ABCB4: variants seen among roughly 807,000 people sequenced by gnomAD.
ABCB4 encodes phosphatidylcholine translocator ABCB4.
Under a neutral mutation model 145.7 loss-of-function variants are expected in ABCB4, and 76 were observed. That is an observed-to-expected ratio of 0.52 (90% CI 0.43 to 0.63). The LOEUF (loss-of-function observed/expected upper bound fraction) is 0.63, where lower values mean the gene tolerates loss of function less well. ABCB4 is among the 30% of genes least tolerant of loss of function. ABCB4 has a pLI of 0.00. For synonymous variants in ABCB4, 517 were observed against 566.8 expected (o/e 0.91, Z 1.25); for missense variants, 1,234 against 1,553.1 (o/e 0.79, Z 3.45).
rs1811871861 is a variant in ABCB4, at chr7:87,453,156, T to C, written c.345-21A>G. 3 of 1,603,862 alleles carry C rather than the reference T, an allele frequency of 1.9e-6. No individual in the cohort carries two copies. In the East Asian group the frequency reaches 6.7e-5, roughly 36 times the overall value. On this transcript the variant is annotated intron_variant, in intron 5 of 27. Transcript: ENST00000649586. Reference sequence around the variant, plus strand: ...CATATCTGAAAAAAAAGAGAAAGGCTCTATTAAATACCTTCTCTTTTCTTT... The same window carrying C: ...CATATCTGAAAAAAAAGAGAAAGGCCCTATTAAATACCTTCTCTTTTCTTT...
chr7:87,375,754 C>G, the ABCB4 span: 4 of 1,611,858 alleles, frequency 2.5e-6, no homozygotes, highest in Admixed American at 6.7e-5. Context: ...CTTAACGAAG[C>G]TTTTCTCTAA....
At chr7:87,432,604 G>T (rs532302640) in intron 14 of ABCB4, among the ~76,000 whole-genome samples, 4 of 152,286 alleles carry the variant, frequency 2.6e-5, no homozygotes, top group African/African-American at 9.6e-5. Flanking sequence ...ATTGTGCTAA[G>T]TGAAAGAAGC....
chr7:87,448,871 T>C (rs1041973510), intron 8 of ABCB4, among the ~76,000 whole-genome samples: 3 of 152,208 alleles, frequency 2.0e-5, no homozygotes, highest in African/African-American at 7.2e-5. Flanking sequence ...AGAGAATTTT[T>C]ATATCCAAGA....
At chr7:87,396,788 A>T (rs1807539999), downstream of ABCB4, among the ~76,000 whole-genome samples, 1 of 152,008 alleles carries the variant, frequency 6.6e-6, no homozygotes, top group South Asian at 2.1e-4. Flanking sequence ...GATGCTCCCA[A>T]CCTATAATGT....
Position 87,462,921 on chromosome 7 carries a change from A to G in ABCB4, c.136-13T>C. 1 of 1,610,500 alleles carries G rather than the reference A, an allele frequency of 6.2e-7. No individual in the cohort carries two copies. Among genetic ancestry groups the G allele is most frequent in the Non-Finnish European group, 8.5e-7 (1 of 1,176,982 alleles). ...CGGAGTATCGAAACTAAAAAAAGGA[A>G]ATAAAATAATACTTAGCTGTGGAAT... is the stretch of plus-strand genomic sequence containing the variant. On this transcript the variant is annotated splice_polypyrimidine_tract_variant and intron_variant, in intron 3 of 27. Coordinates refer to ENST00000649586, the MANE Select transcript of ABCB4 (RefSeq NM_000443.4).
the ABCB4 span, chr7:87,392,703 A>G: frequency 1.2e-6 from 2 of 1,611,304 alleles, no homozygotes; most frequent in Non-Finnish European, 1.7e-6. Context: ...ATTTTTTTCT[A>G]ACCTGAGATT....
At chr7:87,467,808 C>T (rs182765659) in intron 3 of ABCB4, among the ~76,000 whole-genome samples, 6 of 151,990 alleles carry the variant, frequency 3.9e-5, no homozygotes, top group Non-Finnish European at 8.8e-5. Context: ...GGGCACATAA[C>T]GAAATGAAGG....
rs564878697 is a variant in ABCB4 at position 87,441,117 on chromosome 7, T to G, written c.1357-715A>C. The stretch of plus-strand genomic sequence containing the variant: ...TTAAATATTTGACTTACTTCAATAT[T>G]TATTGCAAGAGTAGAGAATTACTAA... On this transcript the variant is annotated intron_variant, in intron 12 of 27. Coordinates refer to ENST00000649586, the MANE Select transcript of ABCB4 (RefSeq NM_000443.4). 1.4e-4 allele frequency among the ~76,000 whole-genome samples: 22 copies of G among 152,362 alleles called. No individual in the cohort carries two copies. In the East Asian group the frequency reaches 4.0e-3, roughly 28 times the overall value.
At chr7:87,384,263 G>A in the ABCB4 span, among the ~76,000 whole-genome samples, 9 of 152,304 alleles carry the variant, frequency 5.9e-5, no homozygotes, top group African/African-American at 2.2e-4. Context: ...CTGGGCGCAT[G>A]GCTCACACCT....
chr7:87,392,621 T>A, the ABCB4 span: 10 of 1,613,468 alleles, frequency 6.2e-6, no homozygotes, highest in African/African-American at 1.3e-5. Context: ...AATAAAATGA[T>A]GAAAGATTGT....
the ABCB4 span, chr7:87,369,484 G>A: frequency 6.2e-7 from 1 of 1,604,566 alleles, no homozygotes; most frequent in Admixed American, 1.7e-5. Flanking sequence ...GAGCTTCTCA[G>A]GTTTTCAGAC....
chr7:87,398,341 T>C, downstream of ABCB4: 1 of 731,278 alleles, frequency 1.4e-6, no homozygotes, highest in Non-Finnish European at 2.4e-6. Flanking sequence ...ATGAATGAGG[T>C]GTTTCTTAGC....
intron 18 of ABCB4, among the ~76,000 whole-genome samples, chr7:87,421,462 T>C (rs552617680): frequency 6.6e-6 from 1 of 152,302 alleles, no homozygotes; most frequent in South Asian, 2.1e-4. Flanking sequence ...TTGTGTCTAG[T>C]AGGGCAATGA....
At chr7:87,392,762 A>G in the ABCB4 span, 23 of 1,613,768 alleles carry the variant, frequency 1.4e-5, no homozygotes, top group African/African-American at 2.9e-4. Context: ...TCTCTTACTC[A>G]TAGCAAAAGA....
rs1315110517 is a variant in ABCB4, at chr7:87,406,403, C to CA, written c.3370dup (p.Cys1124LeufsTer20). ...ATAGGCAATATTCTCGGCAATGCTG[C>CA]AGTCAAATAGGATAGGCTCCTGAGA... On this transcript the variant is annotated frameshift_variant, in exon 26 of 28. Transcript: ENST00000649586. LOFTEE classifies it high-confidence loss of function. 1.5e-5 allele frequency: 24 copies of CA among 1,613,958 alleles called. No individual in the cohort carries two copies. The Admixed American group carries it at 4.0e-4, about 27-fold the overall frequency.
rs764090312 is a variant in ABCB4 at position 87,417,533 on chromosome 7, C to A, written c.2479-18G>T. 8 of 1,610,170 alleles carry A rather than the reference C, an allele frequency of 5.0e-6. No homozygotes were observed. In the African/African-American group the frequency reaches 9.4e-5, roughly 19 times the overall value. The stretch of plus-strand genomic sequence containing the variant: ...CCTGTGGCCTGGGAGAGAAAAAGCA[C>A]AAAGCAACTGTAGTTTTAAGCTCCA... On this transcript the variant is annotated intron_variant, in intron 20 of 27. Transcript: ENST00000649586.
intron 6 of ABCB4, 149 bp from the exon 7 acceptor site, chr7:87,451,943 C>T: frequency 1.4e-6 from 1 of 730,176 alleles, no homozygotes; most frequent in Non-Finnish European, 2.4e-6. Context: ...ACATCTTCCC[C>T]ACCTAAACAC....
Position 87,439,808 on chromosome 7 carries a change from C to T in ABCB4, c.1590G>A (p.Gly530=). ...GCTTCTGCCCACCACTCAGCTGGGC[C>T]CCTCTCTCTCCAACCAGGGTGTCAA... ...QKFDTLVGER[G]AQLSGGQKQR... The change falls in exon 14 of 28, where the codon GGG becomes GGA. Residue 530 remains glycine, a synonymous_variant. Coordinates refer to ENST00000649586, the MANE Select transcript of ABCB4 (RefSeq NM_000443.4). The T allele has an allele frequency of 1.2e-6, 2 of 1,614,102 alleles. No individual in the cohort carries two copies. Among genetic ancestry groups the T allele is most frequent in the South Asian group, 1.1e-5 (1 of 91,078 alleles).
intron 18 of ABCB4, among the ~76,000 whole-genome samples, chr7:87,421,558 T>C (rs550444313): frequency 1.3e-5 from 2 of 152,316 alleles, no homozygotes; most frequent in African/African-American, 4.8e-5. Flanking sequence ...GAAACACTAT[T>C]TTGCTGACTT....
Sources: allele counts gnomAD v4.1 joint callset (sites outside exome capture counted in the v4.1 genomes callset), GRCh38; gene constraint gnomAD v4.1.1; transcripts MANE v1.5; gene names NCBI Gene and HGNC (gene_info 2026-07-23, HGNC 2026-07-21).